Variants in STX7 observed in about 807,000 individuals in gnomAD.
STX7 encodes syntaxin 7, also known as syntaxin-7.
In STX7, 34 loss-of-function variants were observed where a neutral mutation model predicts 39.6. That is an observed-to-expected ratio of 0.86 (90% CI 0.65 to 1.14). The LOEUF (loss-of-function observed/expected upper bound fraction) is 1.14, where lower values mean the gene tolerates loss of function less well. Ranked by LOEUF, STX7 falls within the 50% of genes most tolerant of loss-of-function variation. STX7 has a pLI of 0.00. For synonymous variants in STX7, 119 were observed against 99.1 expected (o/e 1.20, Z -1.19); for missense variants, 284 against 310.4 (o/e 0.92, Z 0.64).
chr6:132,504,810 T>C (rs1775657501), intron 1 of STX7, among the ~76,000 whole-genome samples: 1 of 152,246 alleles, frequency 6.6e-6, no homozygotes, highest in Non-Finnish European at 1.5e-5. Context: ...ACCATCATCC[T>C]TGTCTGGAAA....
intron 2 of STX7, among the ~76,000 whole-genome samples, chr6:132,497,520 T>C (rs960111191): frequency 6.6e-6 from 1 of 152,220 alleles, no homozygotes; most frequent in Non-Finnish European, 1.5e-5. Context: ...ATAATTTGTC[T>C]AGTACTCAAT....
At position 132,506,764 on chromosome 6, in the gene STX7, G is replaced by A. The variant is rs184938282; in HGVS notation, c.-58-3176C>T. 2.0e-5 allele frequency among the ~76,000 whole-genome samples: 3 copies of A among 151,806 alleles called. No homozygotes were observed. The East Asian group carries it at 5.8e-4, about 29-fold the overall frequency. ...AGAACTAAAAATAGAATTAATATTT[G>A]ATCCAGTAACCTCGTTACTGGGTAT... On this transcript the variant is annotated intron_variant, in intron 1 of 9. Transcript: ENST00000367941.
chr6:132,493,157 A>AATGATC (rs1196847963), intron 2 of STX7, among the ~76,000 whole-genome samples: 1 of 152,208 alleles, frequency 6.6e-6, no homozygotes, highest in African/African-American at 2.4e-5. Flanking sequence ...AACTTCAAAT[A>AATGATC]ATGATAATGA....
intron 2 of STX7, 37 bp from the exon 3 acceptor site, chr6:132,475,699 A>G (rs767099073): frequency 6.9e-7 from 1 of 1,458,084 alleles, no homozygotes; most frequent in East Asian, 2.3e-5. Flanking sequence ...AATTGTCACA[A>G]AAGTTAAGGT....
chr6:132,485,217 C>A (rs1775105161), intron 2 of STX7, among the ~76,000 whole-genome samples: 1 of 152,158 alleles, frequency 6.6e-6, no homozygotes, highest in South Asian at 2.1e-4. Context: ...CAAGCAATCA[C>A]TAATATGCTT....
chr6:132,451,577 T>G lies in STX7; in HGVS notation c.*9181A>C, dbSNP rs1415121194. 6.6e-6 allele frequency: 1 copy of G among 152,146 alleles called. No homozygotes were observed. The highest frequency in any genetic ancestry group is 1.9e-4 in the East Asian group (1 of 5,196). The allele number at this position is 152,146 out of a possible 1,614,324, so 9.4% of individuals were successfully genotyped here. On this transcript the variant is annotated 3_prime_UTR_variant, in exon 10 of 10. Coordinates refer to ENST00000367941, the MANE Select transcript of STX7 (RefSeq NM_003569.3). ...TAATAATAAGGCTAAAGGAGTGCTC[T>G]AAACAGAAAGGAAATGATAAATGAA...
rs1290084121 is a variant in STX7 at position 132,449,906 on chromosome 6, A to C, written c.*10852T>G. 6.6e-6 allele frequency: 1 copy of C among 152,248 alleles called. No homozygotes were observed. The highest frequency in any genetic ancestry group is 1.5e-5 in the Non-Finnish European group (1 of 68,048). The allele number at this position is 152,248 out of a possible 1,614,324, so 9.4% of individuals were successfully genotyped here. ...TTGCATGTTTGATTAATCTAGAAGC[A>C]TTAATTAGGGAGGCTTTCCTTCGGA... On this transcript the variant is annotated 3_prime_UTR_variant, in exon 10 of 10. Transcript: ENST00000367941.
At chr6:132,482,555 T>G (rs995395217) in intron 2 of STX7, among the ~76,000 whole-genome samples, 2 of 152,186 alleles carry the variant, frequency 1.3e-5, no homozygotes, top group South Asian at 2.1e-4. Context: ...TTCAAAAAAC[T>G]TTTTTCAATG....
intron 2 of STX7, among the ~76,000 whole-genome samples, chr6:132,499,935 C>T (rs956169724): frequency 6.6e-6 from 1 of 152,200 alleles, no homozygotes; most frequent in Non-Finnish European, 1.5e-5. Context: ...CTTGCCACCA[C>T]CTAGTCGGTT....
At chr6:132,475,125 A>T (rs926032583) in intron 3 of STX7, among the ~76,000 whole-genome samples, 2 of 144,464 alleles carry the variant, frequency 1.4e-5, no homozygotes, top group Non-Finnish European at 3.1e-5. Context: ...CTATCAAGGA[A>T]TTTTTTTTTT....
At position 132,486,017 on chromosome 6, in the gene STX7, A is replaced by C. The variant is rs532582792; in HGVS notation, c.86-10355T>G. On this transcript the variant is annotated intron_variant, in intron 2 of 9. Transcript: ENST00000367941. ...TTTCAAATTTTTATTTTGATTGCTC[A>C]TTGCCAGTATAGAGAAATACAATTT... Among the ~76,000 whole-genome samples the C allele has an allele frequency of 4.6e-5, 7 of 152,328 alleles. No homozygotes were observed. In the South Asian group the frequency reaches 1.4e-3, roughly 32 times the overall value.
At chr6:132,488,042 T>C (rs991705683) in intron 2 of STX7, among the ~76,000 whole-genome samples, 3 of 152,228 alleles carry the variant, frequency 2.0e-5, no homozygotes, top group African/African-American at 7.2e-5. Flanking sequence ...CTCCCTTAAG[T>C]ACTGAGTTAA....
At chr6:132,487,756 TTTATAATA>T (rs1775175025) in intron 2 of STX7, among the ~76,000 whole-genome samples, 1 of 152,222 alleles carries the variant, frequency 6.6e-6, no homozygotes, top group Admixed American at 6.5e-5. Flanking sequence ...ATATGTAGAA[TTTATAATA>T]TATCATCTCT....
chr6:132,495,478 C>A (rs1189043866), intron 2 of STX7, among the ~76,000 whole-genome samples: 1 of 152,092 alleles, frequency 6.6e-6, no homozygotes, highest in Non-Finnish European at 1.5e-5. Flanking sequence ...AGGGAAGCAA[C>A]AATTTTTCAA....
intron 3 of STX7, 63 bp from the exon 4 acceptor site, chr6:132,472,438 G>A (rs1774751466): frequency 1.6e-6 from 2 of 1,283,740 alleles, no homozygotes; most frequent in Non-Finnish European, 1.1e-6. Flanking sequence ...CTTCAACTCT[G>A]CCTTTTGAAT....
intron 1 of STX7, among the ~76,000 whole-genome samples, chr6:132,507,051 A>G (rs1001825671): frequency 2.1e-4 from 32 of 152,374 alleles, no homozygotes; most frequent in African/African-American, 7.5e-4. Context: ...AATGACTCAG[A>G]AAAAAGTCAA....
At chr6:132,480,748 T>C (rs1471893251) in intron 2 of STX7, among the ~76,000 whole-genome samples, 5 of 152,098 alleles carry the variant, frequency 3.3e-5, no homozygotes, top group African/African-American at 1.2e-4. Flanking sequence ...ACAGCAGAGG[T>C]GCTGAAAGAA....
rs1774219037 is a variant in STX7, at chr6:132,455,272, A to G, written c.*5486T>C. On this transcript the variant is annotated 3_prime_UTR_variant, in exon 10 of 10. Transcript: ENST00000367941. ...GATCTCCCATTAAACAACTGATCAA[A>G]AAACTTTCAGAGGGCATTAAAAAGT... The G allele has an allele frequency of 6.6e-6, 1 of 152,188 alleles. No homozygotes were observed. The highest frequency in any genetic ancestry group is 1.5e-5 in the Non-Finnish European group (1 of 68,026). 9.4% of individuals were successfully genotyped at this position (152,188 alleles called of 1,614,324 possible).
chr6:132,511,799 C>T (rs1646202095), intron 1 of STX7, among the ~76,000 whole-genome samples: 1 of 152,204 alleles, frequency 6.6e-6, no homozygotes, highest in African/African-American at 2.4e-5. Flanking sequence ...GCAAACTTCA[C>T]TCAGACTTAC....
Sources: gnomAD v4.1 joint callset for allele counts (sites outside exome capture counted in the v4.1 genomes callset) on GRCh38, gnomAD v4.1.1 for gene constraint, MANE v1.5 for transcripts, NCBI Gene and HGNC (gene_info 2026-07-23, HGNC 2026-07-21) for gene names.